Variants in NAV2 observed in about 807,000 individuals in gnomAD.
NAV2 encodes helicase, APC down-regulated 1.
NAV2 carries 54 observed loss-of-function variants against 223.2 expected under a neutral mutation model. That is an observed-to-expected ratio of 0.24 (90% CI 0.19 to 0.30). NAV2 has a LOEUF of 0.30. Among genes scored for constraint, NAV2 ranks in the 10% least tolerant of loss-of-function variants. The pLI is 1.00. For synonymous variants in NAV2, 1,279 were observed against 1,239.3 expected (o/e 1.03, Z -0.67); for missense variants, 2,806 against 3,147.5 (o/e 0.89, Z 2.60).
rs763078731 is a variant in NAV2, at chr11:20,043,967, G to A, written c.2908-14G>A. 3.1e-6 allele frequency: 5 copies of A among 1,607,964 alleles called. No individual in the cohort carries two copies. The highest frequency in any genetic ancestry group is 1.3e-5 in the African/African-American group (1 of 74,796). ...GACTGGGGAAGGACTAATTCAGAGA[G>A]TCTCTGTCCACAGACTGATGCTGAG... On this transcript the variant is annotated splice_polypyrimidine_tract_variant and intron_variant, in intron 12 of 37. Transcript: ENST00000349880.
intron 1 of NAV2, among the ~76,000 whole-genome samples, chr11:19,676,463 C>A (rs995873109): frequency 2.1e-5 from 3 of 140,978 alleles, no homozygotes; most frequent in Non-Finnish European, 4.7e-5. Flanking sequence ...GTCAGTGTTT[C>A]CCTCCTTACC....
In NAV2 at chr11:19,609,723, T is replaced by C. The variant is rs190182432; in HGVS notation, c.76-222761T>C. On this transcript the variant is annotated intron_variant, in intron 1 of 37. Coordinates refer to the NAV2 transcript ENST00000360655. Reference sequence around the variant, plus strand: ...GGGAGGGGGTTATTACCATTAAATATCTAGAATCAATTGAACAAATGATTA... The same window carrying C: ...GGGAGGGGGTTATTACCATTAAATACCTAGAATCAATTGAACAAATGATTA... Among the ~76,000 whole-genome samples, 36 of 152,302 alleles carry C rather than the reference T, an allele frequency of 2.4e-4. No individual in the cohort carries two copies. The East Asian group carries it at 6.6e-3, about 28-fold the overall frequency.
intron 1 of NAV2, among the ~76,000 whole-genome samples, chr11:19,400,724 C>G (rs1849648579): frequency 6.6e-6 from 1 of 152,154 alleles, no homozygotes; most frequent in African/African-American, 2.4e-5. Context: ...AACAGTGACC[C>G]CTAGGGCCAT....
chr11:19,581,477 G>C (rs537783894), intron 1 of NAV2, among the ~76,000 whole-genome samples: 1 of 152,022 alleles, frequency 6.6e-6, no homozygotes, highest in Non-Finnish European at 1.5e-5. Flanking sequence ...CCGTTAACTC[G>C]TCATTTAACA....
intron 16 of NAV2, among the ~76,000 whole-genome samples, chr11:20,050,356 A>G (rs1388419787): frequency 6.6e-6 from 1 of 152,170 alleles, no homozygotes; most frequent in South Asian, 2.1e-4. Context: ...CCTTTGCTGA[A>G]GTTTGGCTCA....
At chr11:19,988,281 C>A (rs777556861) in intron 11 of NAV2, among the ~76,000 whole-genome samples, 1 of 152,182 alleles carries the variant, frequency 6.6e-6, no homozygotes, top group Non-Finnish European at 1.5e-5. Context: ...GAGAGCACAA[C>A]GAGGACAGAA....
At position 19,713,865 on chromosome 11, in the gene NAV2, C is replaced by A. The variant is rs141966195; in HGVS notation, c.170C>A (p.Pro57His). 6.2e-7 allele frequency: 1 copy of A among 1,613,600 alleles called. No individual in the cohort carries two copies. The highest frequency in any genetic ancestry group is 1.1e-5 in the South Asian group (1 of 91,082). ...AAGACCACCTATCCTAGCCAGATCC[C>A]CCTGAAATCGCAGGTGCTGCAGGGG... ...VSKTTYPSQI[P>H]LKSQVLQGLQ... Residue 57 changes from proline to histidine, a missense_variant, in exon 1 of 38, where the codon CCC (proline) becomes CAC (histidine). Transcript: ENST00000349880. The surrounding 1 kb of genome is among the most constrained non-coding windows in gnomAD (Gnocchi z 7.2).
intron 14 of NAV2, 37 bp downstream of exon 14, chr11:20,045,707 A>G: frequency 6.7e-7 from 1 of 1,492,484 alleles, no homozygotes; most frequent in Non-Finnish European, 9.2e-7. Context: ...GCAGAACCAG[A>G]ATACAGGGAA....
rs1324563195 is a variant in NAV2 at position 19,414,129 on chromosome 11, T to C, written c.75+63102T>C. 2.6e-5 allele frequency among the ~76,000 whole-genome samples: 4 copies of C among 152,064 alleles called. No individual in the cohort carries two copies. The East Asian group carries it at 7.7e-4, about 29-fold the overall frequency. ...ATTTAAAAGACACAGACTAGCAAAT[T>C]GGATAGAGTGAAGACCCATCTATGT... On this transcript the variant is annotated intron_variant, in intron 1 of 37. Coordinates refer to the NAV2 transcript ENST00000360655.
rs534763091 is a variant in NAV2, at chr11:20,063,477, A to G, written c.4884+1118A>G. Among the ~76,000 whole-genome samples the G allele has an allele frequency of 1.2e-4, 18 of 152,222 alleles. No individual in the cohort carries two copies. In the South Asian group the frequency reaches 2.9e-3, roughly 25 times the overall value. On this transcript the variant is annotated intron_variant, in intron 20 of 37. Transcript: ENST00000349880. ...AACCTCTGCCTCCTGGGTTCAAGCA[A>G]TTCTCCTGCCTCAGCCTCCTGAGTA...
At chr11:19,712,305 A>T (rs987649135), upstream of NAV2, 1 of 152,268 alleles carries the variant, frequency 6.6e-6, no homozygotes, top group African/African-American at 2.4e-5. Flanking sequence ...GTTAAGTGAA[A>T]TGTGCAGCCT....
chr11:19,460,147 T>A (rs1852102885), intron 1 of NAV2, among the ~76,000 whole-genome samples: 1 of 152,224 alleles, frequency 6.6e-6, no homozygotes, highest in Non-Finnish European at 1.5e-5. Flanking sequence ...GCATGGTGTT[T>A]CACACATAGT....
At chr11:20,022,871 G>T in intron 11 of NAV2, 1 of 1,369,224 alleles carries the variant, frequency 7.3e-7, no homozygotes, top group Non-Finnish European at 9.4e-7. Context: ...CAGCACTGAG[G>T]CCTGACCTCT....
chr11:19,617,100 G>T (rs2046820320), intron 1 of NAV2, among the ~76,000 whole-genome samples: 1 of 152,002 alleles, frequency 6.6e-6, no homozygotes, highest in Non-Finnish European at 1.5e-5. Flanking sequence ...AGAAGTCTAG[G>T]TAATACAGAT....
At chr11:19,813,606 G>T (rs1384999088) in intron 1 of NAV2, among the ~76,000 whole-genome samples, 1 of 152,186 alleles carries the variant, frequency 6.6e-6, no homozygotes, top group Non-Finnish European at 1.5e-5. Context: ...GGTAACATAA[G>T]CTGCCGCTAT....
At chr11:19,448,367 C>T (rs554400602) in intron 1 of NAV2, among the ~76,000 whole-genome samples, 1 of 152,316 alleles carries the variant, frequency 6.6e-6, no homozygotes, top group East Asian at 1.9e-4. Flanking sequence ...ACCTTTCAAA[C>T]TAGACCAGGT....
At chr11:19,900,007 C>T (rs367629856) in intron 6 of NAV2, among the ~76,000 whole-genome samples, 5 of 152,196 alleles carry the variant, frequency 3.3e-5, no homozygotes, top group East Asian at 3.9e-4. Context: ...GCTTAGGTGT[C>T]GGTTGGTTAG....
intron 1 of NAV2, among the ~76,000 whole-genome samples, chr11:19,354,609 CTT>C (rs1268596915): frequency 2.0e-5 from 3 of 152,224 alleles, no homozygotes; most frequent in African/African-American, 7.2e-5. Flanking sequence ...TGATGCATAA[CTT>C]AGATTCAGTA....
At chr11:20,043,809 A>T in intron 12 of NAV2, 172 bp from the exon 13 acceptor site, 1 of 585,842 alleles carries the variant, frequency 1.7e-6, no homozygotes, top group Non-Finnish European at 2.9e-6. Context: ...TTCCAAAAAA[A>T]AAAAATCAGT....
Sources: allele counts gnomAD v4.1 joint callset (sites outside exome capture counted in the v4.1 genomes callset), GRCh38; gene constraint gnomAD v4.1.1; non-coding constraint Gnocchi (gnomAD v3.1); transcripts MANE v1.5; gene names NCBI Gene and HGNC (gene_info 2026-07-23, HGNC 2026-07-21).